Variants in PCDH9 observed in about 807,000 individuals in gnomAD.
PCDH9 encodes protocadherin 9.
Under a neutral mutation model 70.6 loss-of-function variants are expected in PCDH9, and 24 were observed. The ratio of observed to expected loss-of-function variants is 0.34; its 90% confidence interval spans 0.25 to 0.48. PCDH9 has a LOEUF of 0.48. PCDH9 is among the 20% of genes least tolerant of loss of function. The pLI is 0.99. For missense variants in PCDH9, 1,281 were observed against 1,503.6 expected (o/e 0.85, Z 2.45); for synonymous variants, 562 against 558.5 (o/e 1.01, Z -0.09).
At chr13:66,542,738 A>G (rs1207856844) in intron 4 of PCDH9, among the ~76,000 whole-genome samples, 2 of 147,278 alleles carry the variant, frequency 1.4e-5, no homozygotes, top group African/African-American at 4.9e-5. Flanking sequence ...ATATAAATAT[A>G]TATCTCCGAG....
intron 3 of PCDH9, among the ~76,000 whole-genome samples, chr13:66,901,157 GTTTTA>G (rs2082271081): frequency 6.6e-6 from 1 of 151,544 alleles, no homozygotes; most frequent in Non-Finnish European, 1.5e-5. Flanking sequence ...TTTTCTTCAA[GTTTTA>G]TTTTATAAGA....
chr13:66,407,091 C>T (rs1957292646), intron 4 of PCDH9, among the ~76,000 whole-genome samples: 1 of 152,150 alleles, frequency 6.6e-6, no homozygotes, highest in African/African-American at 2.4e-5. Flanking sequence ...CACTTAAAAG[C>T]ATTAGAGGGT....
chr13:66,811,088 C>A (rs375437519), intron 3 of PCDH9, among the ~76,000 whole-genome samples: 2 of 152,012 alleles, frequency 1.3e-5, no homozygotes, highest in East Asian at 3.8e-4. Flanking sequence ...AAAAATAAAT[C>A]ATGCCTATTA....
At chr13:66,594,130 T>G (rs1222764616) in intron 4 of PCDH9, among the ~76,000 whole-genome samples, 1 of 151,800 alleles carries the variant, frequency 6.6e-6, no homozygotes, top group East Asian at 1.9e-4. Flanking sequence ...GACAGAATAT[T>G]TTTTGAAGTC....
intron 4 of PCDH9, among the ~76,000 whole-genome samples, chr13:66,487,562 T>A (rs1378854003): frequency 1.3e-5 from 2 of 152,168 alleles, no homozygotes; most frequent in Non-Finnish European, 2.9e-5. Context: ...TTTGTCAATG[T>A]CCATATAATA....
At chr13:66,345,803 T>C (rs1381360812) in intron 4 of PCDH9, among the ~76,000 whole-genome samples, 1 of 152,058 alleles carries the variant, frequency 6.6e-6, no homozygotes, top group Non-Finnish European at 1.5e-5. Flanking sequence ...CTAAAAACAA[T>C]TGTCATGTCA....
chr13:66,999,017 C>T (rs937270873), intron 2 of PCDH9, among the ~76,000 whole-genome samples: 16 of 152,170 alleles, frequency 1.1e-4, no homozygotes, highest in African/African-American at 3.9e-4. Flanking sequence ...GAGTCCTTTG[C>T]CATCAAAATC....
At position 66,448,497 on chromosome 13, in the gene PCDH9, A is replaced by G. The variant is rs142429222; in HGVS notation, c.3341-143469T>C. 2.8e-3 allele frequency among the ~76,000 whole-genome samples: 427 copies of G among 152,332 alleles called. 2 individuals are homozygous for G. The highest frequency in any genetic ancestry group is 9.7e-3 in the African/African-American group (403 of 41,576). ...ATTTTAGCTAGTTTAAAATCCTAGGATTAAAGAGACTGAGTTATGAGGACA... is the reference window on the plus strand; with the variant it reads ...ATTTTAGCTAGTTTAAAATCCTAGGGTTAAAGAGACTGAGTTATGAGGACA... On this transcript the variant is annotated intron_variant, in intron 4 of 4. Coordinates refer to ENST00000377865, the MANE Select transcript of PCDH9 (RefSeq NM_203487.3).
At chr13:67,212,542 C>T (rs149426738) in intron 2 of PCDH9, 2 of 152,176 alleles carry the variant, frequency 1.3e-5, no homozygotes, top group East Asian at 3.9e-4. Flanking sequence ...ATTTAAAAAG[C>T]CTAGCTGTGT....
rs1291790075 is a variant in PCDH9 at position 66,824,707 on chromosome 13, C to CAT, written c.3138+78795_3138+78796dup. On this transcript the variant is annotated intron_variant, in intron 3 of 4. Coordinates refer to ENST00000377865, the MANE Select transcript of PCDH9 (RefSeq NM_203487.3). ...ATATATATATATATATGCACACACACATATATATATACACACACACATATA... is the reference window on the plus strand; with the variant it reads ...ATATATATATATATATGCACACACACATATATATATATACACACACACATATA... Among the ~76,000 whole-genome samples, 1,302 of 131,870 alleles carry CAT rather than the reference C, an allele frequency of 9.9e-3. 33 individuals carry two copies. The highest frequency in any genetic ancestry group is 0.037 in the African/African-American group (1,219 of 33,372). 86.5% of individuals were successfully genotyped at this position (131,870 alleles called of 152,430 possible).
At chr13:66,454,741 T>A (rs1162646450) in intron 4 of PCDH9, among the ~76,000 whole-genome samples, 1 of 152,202 alleles carries the variant, frequency 6.6e-6, no homozygotes, top group Admixed American at 6.5e-5. Context: ...ATGTAGGGAA[T>A]GCAAATTTTA....
intron 2 of PCDH9, among the ~76,000 whole-genome samples, chr13:67,185,878 A>G (rs1380858322): frequency 2.0e-5 from 3 of 152,114 alleles, no homozygotes; most frequent in East Asian, 1.9e-4. Flanking sequence ...GATTACAGGC[A>G]TGAGCCACCA....
intron 2 of PCDH9, chr13:67,218,615 A>G (rs1310085816): frequency 6.6e-6 from 1 of 152,072 alleles, no homozygotes; most frequent in African/African-American, 2.4e-5. Context: ...AGAATGTTAA[A>G]ATACAAGATA....
At chr13:66,963,319 G>C (rs2083379352) in intron 2 of PCDH9, among the ~76,000 whole-genome samples, 1 of 152,180 alleles carries the variant, frequency 6.6e-6, no homozygotes, top group African/African-American at 2.4e-5. Context: ...AAAAGGCAAA[G>C]TGCAAAGATC....
chr13:66,345,149 C>T (rs371473012), intron 4 of PCDH9, among the ~76,000 whole-genome samples: 6 of 152,186 alleles, frequency 3.9e-5, no homozygotes, highest in South Asian at 2.1e-4. Context: ...ATTTAAGGGT[C>T]GAGCTAGTAG....
intron 4 of PCDH9, among the ~76,000 whole-genome samples, chr13:66,492,788 T>C (rs1959054109): frequency 6.6e-6 from 1 of 152,152 alleles, no homozygotes; most frequent in Non-Finnish European, 1.5e-5. Context: ...ACATTTAAGC[T>C]TTGAATAATA....
chr13:66,823,824 T>C (rs1277647633), intron 3 of PCDH9, among the ~76,000 whole-genome samples: 1 of 152,164 alleles, frequency 6.6e-6, no homozygotes, highest in Non-Finnish European at 1.5e-5. Flanking sequence ...AAAAGGCTTG[T>C]TCTAGTAAAC....
intron 4 of PCDH9, among the ~76,000 whole-genome samples, chr13:66,411,123 T>C (rs1351789292): frequency 1.3e-5 from 2 of 152,248 alleles, no homozygotes; most frequent in Admixed American, 1.3e-4. Flanking sequence ...GAAAATAATA[T>C]TTTGTACTTC....
intron 2 of PCDH9, among the ~76,000 whole-genome samples, chr13:67,076,115 C>T (rs780241666): frequency 1.3e-5 from 2 of 152,088 alleles, no homozygotes; most frequent in Non-Finnish European, 2.9e-5. Flanking sequence ...AGTATGATCA[C>T]CAAATAATAG....
Sources: allele counts gnomAD v4.1 joint callset (sites outside exome capture counted in the v4.1 genomes callset), GRCh38; gene constraint gnomAD v4.1.1; transcripts MANE v1.5; gene names NCBI Gene and HGNC (gene_info 2026-07-23, HGNC 2026-07-21).